DCP1B: variants seen among roughly 807,000 people sequenced by gnomAD.
The protein encoded by DCP1B is mRNA-decapping enzyme 1B.
In DCP1B, 47 loss-of-function variants were observed where a neutral mutation model predicts 60.5. The ratio of observed to expected loss-of-function variants is 0.78; its 90% confidence interval spans 0.61 to 0.99. The LOEUF (loss-of-function observed/expected upper bound fraction) is 0.99. Among genes scored for constraint, DCP1B ranks in the 50% least tolerant of loss-of-function variants. The probability of loss-of-function intolerance (pLI) is 0.00; values close to 1 mark genes in which losing one functional copy is unlikely to be tolerated. For synonymous variants in DCP1B, 267 were observed against 280.3 expected (o/e 0.95, Z 0.47); for missense variants, 725 against 756.8 (o/e 0.96, Z 0.49).
Position 1,971,164 on chromosome 12 carries a change from T to C in DCP1B, c.320-3254A>G, listed in dbSNP as rs1215801761. On this transcript the variant is annotated intron_variant, in intron 3 of 8. Coordinates refer to ENST00000280665, the MANE Select transcript of DCP1B (RefSeq NM_152640.5). This position sits in a 1 kb window ranked among gnomAD's most constrained non-coding sequence, Gnocchi z 4.2. ...TCAAGTTTAAGGGTACTTTGGTGCATGAAGCTCAACTCAACTATTTCTACA... is the reference window on the plus strand; with the variant it reads ...TCAAGTTTAAGGGTACTTTGGTGCACGAAGCTCAACTCAACTATTTCTACA... The C allele has an allele frequency of 7.8e-7, 1 of 1,289,328 alleles. No individual in the cohort carries two copies. The highest frequency in any genetic ancestry group is 2.3e-5 in the Admixed American group (1 of 43,558). The allele number at this position is 1,289,328 out of a possible 1,614,324, so 79.9% of individuals were successfully genotyped here.
At chr12:1,973,980 C>G (rs1048803196) in intron 3 of DCP1B, among the ~76,000 whole-genome samples, 43 of 152,292 alleles carry the variant, frequency 2.8e-4, no homozygotes, top group African/African-American at 1.0e-3. Context: ...TTTTTCTTTG[C>G]TCCTGTAGTT....
intron 7 of DCP1B, chr12:1,950,497 A>G (rs2030627186): frequency 1.5e-6 from 1 of 686,404 alleles, no homozygotes; most frequent in Admixed American, 2.1e-5. Context: ...GGACAATAAC[A>G]CTGAAATGAG....
chr12:1,992,749 A>G (rs548376356), intron 3 of DCP1B: 95 of 188,170 alleles, frequency 5.0e-4, no homozygotes, highest in Non-Finnish European at 8.2e-4. Flanking sequence ...AAGGGTTATT[A>G]AATTCTTAAT....
chr12:1,970,091 G>A (rs2031836685), intron 3 of DCP1B, among the ~76,000 whole-genome samples: 1 of 152,124 alleles, frequency 6.6e-6, no homozygotes, highest in Non-Finnish European at 1.5e-5. Flanking sequence ...TTTGACATAA[G>A]GAATTAGGCT....
intron 2 of DCP1B, among the ~76,000 whole-genome samples, chr12:1,995,261 T>A (rs112553696): frequency 0.027 from 4,166 of 152,348 alleles, 96 homozygotes; most frequent in Middle Eastern, 0.054. Flanking sequence ...TCATTAATAC[T>A]TACTAATACA....
chr12:1,993,588 G>C (rs1486095434), intron 2 of DCP1B, among the ~76,000 whole-genome samples, 197 bp from the exon 3 acceptor site: 1 of 151,336 alleles, frequency 6.6e-6, no homozygotes, highest in Non-Finnish European at 1.5e-5. Context: ...GCACTGGCAT[G>C]ATGATTCATT....
intron 3 of DCP1B, among the ~76,000 whole-genome samples, chr12:1,970,149 C>G (rs2031847312): frequency 6.6e-6 from 1 of 152,146 alleles, no homozygotes; most frequent in Admixed American, 6.5e-5. Flanking sequence ...AATAGAAAAG[C>G]AGTTTGACAG....
rs7222 is a variant in DCP1B at position 1,946,100 on chromosome 12, T to C, written c.*106A>G. 0.5 allele frequency: 427,937 copies of C among 858,758 alleles called. 110,346 individuals are homozygous for C. The highest frequency in any genetic ancestry group is 0.74 in the East Asian group (25,808 of 34,858). 53.2% of individuals were successfully genotyped at this position (858,758 alleles called of 1,614,324 possible). A position where few individuals can be genotyped will look rare whatever the true frequency, so the allele number is the denominator to read the frequency against. ...TTTACTTCATATTACACATACTTTT[T>C]TTTTAAAAAAGGCAGAAACATTGAA... On this transcript the variant is annotated 3_prime_UTR_variant, in exon 9 of 9. Transcript: ENST00000280665.
rs749032061 is a variant in DCP1B at position 1,993,269 on chromosome 12, G to C, written c.314C>G (p.Ala105Gly). Reference protein sequence around the residue: ...LQDPFLLYRNARLSIYGIWFY... With the variant: ...LQDPFLLYRNGRLSIYGIWFY... ...CTGTAGTAAGAAAGACTCACATCTG[G>C]CATTTCTGTAGAGAAGGAAAGGGTC... Residue 105 changes from alanine to glycine, a missense_variant, in exon 3 of 9, where the codon GCC becomes GGC. Ala to Gly is a moderately conservative substitution (Grantham distance 60). Coordinates refer to ENST00000280665, the MANE Select transcript of DCP1B (RefSeq NM_152640.5). 6.2e-7 allele frequency: 1 copy of C among 1,614,070 alleles called. No homozygotes were observed. Among genetic ancestry groups the C allele is most frequent in the Non-Finnish European group, 8.5e-7 (1 of 1,179,990 alleles).
At chr12:1,980,452 GTTAT>G (rs1332253636) in intron 3 of DCP1B, among the ~76,000 whole-genome samples, 1 of 151,916 alleles carries the variant, frequency 6.6e-6, no homozygotes, top group African/African-American at 2.4e-5. Context: ...ATTTCTAAGT[GTTAT>G]TTACATATTC....
intron 3 of DCP1B, among the ~76,000 whole-genome samples, chr12:1,984,991 T>A (rs973668018): frequency 7.2e-5 from 11 of 151,746 alleles, no homozygotes; most frequent in African/African-American, 2.4e-4. Flanking sequence ...AACATTATTA[T>A]CCTAGATGTA....
chr12:1,954,624 A>C (rs1280226521), intron 6 of DCP1B, among the ~76,000 whole-genome samples: 2 of 152,028 alleles, frequency 1.3e-5, no homozygotes, highest in Non-Finnish European at 2.9e-5. Flanking sequence ...ATCATATCTG[A>C]AGAGGAGTTT....
At chr12:1,966,957 G>A (rs1465574615) in intron 4 of DCP1B, among the ~76,000 whole-genome samples, 1 of 152,188 alleles carries the variant, frequency 6.6e-6, no homozygotes, top group African/African-American at 2.4e-5. Flanking sequence ...GAGCTACAGT[G>A]TCATACCCAT....
At chr12:1,964,898 C>G (rs1267109614) in intron 5 of DCP1B, among the ~76,000 whole-genome samples, 2 of 152,138 alleles carry the variant, frequency 1.3e-5, no homozygotes, top group Non-Finnish European at 2.9e-5. Flanking sequence ...CCACCTCCAA[C>G]CCCTACTAAT....
At position 1,990,750 on chromosome 12, in the gene DCP1B, C is replaced by A. The variant is rs79382555; in HGVS notation, c.319+2514G>T. On this transcript the variant is annotated intron_variant, in intron 3 of 8. Transcript: ENST00000280665. ...ATCCTGAGTAAAGCTGAGTTCCTTGCCCAAAGAAAGGCCAACCAATCTATA... is the reference window on the plus strand; with the variant it reads ...ATCCTGAGTAAAGCTGAGTTCCTTGACCAAAGAAAGGCCAACCAATCTATA... Among the ~76,000 whole-genome samples the A allele has an allele frequency of 9.3e-3, 1,415 of 152,196 alleles. 16 individuals are homozygous for A. Among genetic ancestry groups the A allele is most frequent in the African/African-American group, 0.032 (1,332 of 41,518 alleles).
downstream of DCP1B, among the ~76,000 whole-genome samples, chr12:1,945,827 G>C (rs1330097515): frequency 6.6e-6 from 1 of 152,100 alleles, no homozygotes; most frequent in Non-Finnish European, 1.5e-5. Flanking sequence ...GGTGGGAATT[G>C]AACAATGAGA....
chr12:1,960,487 G>A (rs2031082836), intron 5 of DCP1B, among the ~76,000 whole-genome samples: 1 of 152,116 alleles, frequency 6.6e-6, no homozygotes, highest in Non-Finnish European at 1.5e-5. Context: ...ACTACAGTTA[G>A]TACTAATATA....
intron 3 of DCP1B, among the ~76,000 whole-genome samples, chr12:1,989,697 G>C (rs778732715): frequency 1.3e-5 from 2 of 152,214 alleles, no homozygotes; most frequent in Non-Finnish European, 2.9e-5. Flanking sequence ...TGGACAAATA[G>C]AGCAAGACTC....
At chr12:1,976,816 C>T (rs2010932) in intron 3 of DCP1B, among the ~76,000 whole-genome samples, 115,326 of 147,272 alleles carry the variant, frequency 0.78, 45,514 homozygotes, top group African/African-American at 0.94. Flanking sequence ...TGGCACACAG[C>T]AGTCAAGCAA....
Sources: allele counts gnomAD v4.1 joint callset (sites outside exome capture counted in the v4.1 genomes callset), GRCh38; gene constraint gnomAD v4.1.1; non-coding constraint Gnocchi (gnomAD v3.1); transcripts MANE v1.5; gene names NCBI Gene and HGNC (gene_info 2026-07-23, HGNC 2026-07-21).